LARP4B: variants seen among roughly 807,000 people sequenced by gnomAD.
LARP4B encodes the protein La ribonucleoprotein 4B.
In LARP4B, 12 loss-of-function variants were observed where a neutral mutation model predicts 89.8. That is an observed-to-expected ratio of 0.13 (90% CI 0.09 to 0.22). The LOEUF is 0.22. LARP4B is among the 10% of genes least tolerant of loss of function. LARP4B has a pLI of 1.00. For synonymous variants in LARP4B, 367 were observed against 363.3 expected (o/e 1.01, Z -0.12); for missense variants, 757 against 947.7 (o/e 0.80, Z 2.64).
At chr10:891,524 T>C (rs1236033478) in intron 1 of LARP4B, among the ~76,000 whole-genome samples, 3 of 152,214 alleles carry the variant, frequency 2.0e-5, no homozygotes, top group Non-Finnish European at 4.4e-5. Flanking sequence ...AATAATACAA[T>C]GTGTGAAATC....
chr10:977,056 C>T, the LARP4B span, among the ~76,000 whole-genome samples: 1 of 152,198 alleles, frequency 6.6e-6, no homozygotes, highest in Non-Finnish European at 1.5e-5. Context: ...AGGAACAGAT[C>T]TTTCACTTAG....
At chr10:918,363 T>C (rs1179191452) in intron 1 of LARP4B, among the ~76,000 whole-genome samples, 1 of 152,224 alleles carries the variant, frequency 6.6e-6, no homozygotes, top group East Asian at 1.9e-4. Flanking sequence ...CCGGGGATGA[T>C]GGCACATGCC....
chr10:945,196 C>A, the LARP4B span, among the ~76,000 whole-genome samples: 1 of 149,958 alleles, frequency 6.7e-6, no homozygotes, highest in African/African-American at 2.5e-5. Context: ...CCAGCCTGGC[C>A]AACATGGTGA....
chr10:819,782 C>T (rs887401418), intron 14 of LARP4B: 1 of 152,192 alleles, frequency 6.6e-6, no homozygotes, highest in African/African-American at 2.4e-5. Flanking sequence ...TAGACTAAGC[C>T]GACCTCATGA....
At chr10:975,025 C>A in the LARP4B span, among the ~76,000 whole-genome samples, 3 of 152,208 alleles carry the variant, frequency 2.0e-5, no homozygotes, top group Non-Finnish European at 4.4e-5. Context: ...CTCTGCAGGC[C>A]CTGCCTGGCT....
At chr10:829,142 G>C (rs926470321) in intron 11 of LARP4B, among the ~76,000 whole-genome samples, 1 of 152,218 alleles carries the variant, frequency 6.6e-6, no homozygotes, top group Non-Finnish European at 1.5e-5. Flanking sequence ...TCTGCGTCTT[G>C]CTAAGAGCTG....
the LARP4B span, among the ~76,000 whole-genome samples, chr10:937,954 G>A: frequency 2.5e-4 from 38 of 151,756 alleles, no homozygotes; most frequent in African/African-American, 8.7e-4. Context: ...GCGTGATCTC[G>A]GCTCACTACA....
chr10:823,010 G>C (rs1317079848), intron 13 of LARP4B, among the ~76,000 whole-genome samples: 1 of 152,214 alleles, frequency 6.6e-6, no homozygotes, highest in African/African-American at 2.4e-5. Context: ...CATGGCTGCT[G>C]TGGATCAGGT....
chr10:827,208 G>A (rs12251396), intron 11 of LARP4B, among the ~76,000 whole-genome samples: 23,306 of 151,816 alleles, frequency 0.15, 1,945 homozygotes, highest in Non-Finnish European at 0.17. Flanking sequence ...CCCGGGAGGC[G>A]GAGCTTGCAG....
chr10:857,313 AG>A (rs1834352713), intron 5 of LARP4B, among the ~76,000 whole-genome samples: 1 of 152,110 alleles, frequency 6.6e-6, no homozygotes, highest in African/African-American at 2.4e-5. Flanking sequence ...GGAAATCCCA[AG>A]GAGGGGGAAA....
rs1835944252 is a variant in LARP4B, at chr10:889,083, T to C, written c.-39-3323A>G. Among the ~76,000 whole-genome samples the C allele has an allele frequency of 2.0e-5, 3 of 152,028 alleles. 1 individual carries two copies. In the South Asian group the frequency reaches 6.2e-4, roughly 32 times the overall value. On this transcript the variant is annotated intron_variant, in intron 1 of 17. Coordinates refer to ENST00000316157, the MANE Select transcript of LARP4B (RefSeq NM_015155.3). ...CTAGGGAACAGAATAAGATCCTGTCTCAAAAAATAAAAACAAAAATAAAAA... is the reference window on the plus strand; with the variant it reads ...CTAGGGAACAGAATAAGATCCTGTCCCAAAAAATAAAAACAAAAATAAAAA...
intron 8 of LARP4B, among the ~76,000 whole-genome samples, chr10:831,786 A>C (rs932056561): frequency 6.6e-6 from 1 of 152,212 alleles, no homozygotes; most frequent in Non-Finnish European, 1.5e-5. Flanking sequence ...TTCAAAACAA[A>C]GCTCAAGAAT....
At position 931,690 on chromosome 10, in the gene LARP4B, T is replaced by A. The variant is rs1460362832; in HGVS notation, c.-302A>T. On this transcript the variant is annotated 5_prime_UTR_variant, in exon 1 of 18. The change abolishes an upstream ATG in the 5' untranslated region. Coordinates refer to ENST00000316157, the MANE Select transcript of LARP4B (RefSeq NM_015155.3). ...TCCCCAACGCTCCTTCCCGTTCGCA[T>A]GAGAACACACAGCTCCCACTTCCGG... 1 of 151,654 alleles carries A rather than the reference T, an allele frequency of 6.6e-6. No homozygotes were observed. Among genetic ancestry groups the A allele is most frequent in the Non-Finnish European group, 1.5e-5 (1 of 67,752 alleles). 9.4% of individuals were successfully genotyped at this position (151,654 alleles called of 1,614,324 possible).
At chr10:856,132 A>T (rs1051003243) in intron 5 of LARP4B, among the ~76,000 whole-genome samples, 1 of 152,234 alleles carries the variant, frequency 6.6e-6, no homozygotes, top group African/African-American at 2.4e-5. Context: ...ATAAACCAAA[A>T]GGAAGAGCCA....
chr10:863,554 A>G (rs979206532), intron 5 of LARP4B, among the ~76,000 whole-genome samples, 189 bp downstream of exon 5: 3 of 151,992 alleles, frequency 2.0e-5, no homozygotes, highest in Non-Finnish European at 4.4e-5. Flanking sequence ...GAGACCTTAC[A>G]TTCCTCCATG....
chr10:904,535 TG>T (rs201738684), intron 1 of LARP4B, among the ~76,000 whole-genome samples: 1,766 of 151,802 alleles, frequency 0.012, 33 homozygotes, highest in African/African-American at 0.04. Flanking sequence ...CACTCCAGCC[TG>T]GGCAACAGAG....
At chr10:969,169 T>C in the LARP4B span, among the ~76,000 whole-genome samples, 1 of 152,184 alleles carries the variant, frequency 6.6e-6, no homozygotes, top group Non-Finnish European at 1.5e-5. Context: ...ACACGAAAGA[T>C]CTTTTCAAAT....
chr10:858,299 A>C (rs1183199140), intron 5 of LARP4B, among the ~76,000 whole-genome samples: 1 of 152,150 alleles, frequency 6.6e-6, no homozygotes, highest in African/African-American at 2.4e-5. Context: ...TTCTATAGAG[A>C]AAGGGCAGTC....
intron 3 of LARP4B, among the ~76,000 whole-genome samples, chr10:876,993 G>T (rs1404454550): frequency 3.3e-5 from 5 of 152,128 alleles, no homozygotes; most frequent in Admixed American, 2.0e-4. Context: ...CCACCACTGG[G>T]CCCACTCAAG....
Sources: allele counts gnomAD v4.1 joint callset (sites outside exome capture counted in the v4.1 genomes callset), GRCh38; gene constraint gnomAD v4.1.1; transcripts MANE v1.5; gene names NCBI Gene and HGNC (gene_info 2026-07-23, HGNC 2026-07-21).